The following FAT1 variants were observed in gnomAD, a reference collection of about 807,000 sequenced individuals.
FAT1 encodes the protein FAT atypical cadherin 1, also known as protocadherin Fat 1.
FAT1 carries 171 observed loss-of-function variants against 329.8 expected under a neutral mutation model. The observed-to-expected ratio is 0.52, with a 90% CI of 0.46 to 0.59. The LOEUF (loss-of-function observed/expected upper bound fraction) is 0.59, where lower values mean the gene tolerates loss of function less well. FAT1 is among the 20% of genes least tolerant of loss of function. The pLI is 0.00. For missense variants in FAT1, 5,672 were observed against 5,774.4 expected (o/e 0.98, Z 0.57); for synonymous variants, 2,233 against 2,228.6 (o/e 1.00, Z -0.06).
chr4:186,656,481 G>A (rs895236296), intron 3 of FAT1, among the ~76,000 whole-genome samples: 1 of 152,228 alleles, frequency 6.6e-6, no homozygotes, highest in African/African-American at 2.4e-5. Context: ...TTTGCACGTT[G>A]TGCCATGTGA....
chr4:186,607,567 TG>T (rs1304511584), intron 16 of FAT1, among the ~76,000 whole-genome samples: 5 of 151,212 alleles, frequency 3.3e-5, no homozygotes, highest in Admixed American at 3.3e-4. Flanking sequence ...AGATGGGTGG[TG>T]GGTGGATGGA....
chr4:186,726,112 A>G (rs771436978), upstream of FAT1, among the ~76,000 whole-genome samples: 17 of 152,254 alleles, frequency 1.1e-4, no homozygotes, highest in Non-Finnish European at 7.3e-5. Flanking sequence ...CACAAACAGC[A>G]TCGCCTCTCA....
chr4:186,723,584 G>A (rs1370379124), intron 1 of FAT1, 80 bp downstream of exon 1: 2 of 152,206 alleles, frequency 1.3e-5, no homozygotes, highest in Non-Finnish European at 2.9e-5. Flanking sequence ...CGGGGACCGG[G>A]CGGACACCCA....
At chr4:186,671,215 T>C (rs189140537) in intron 2 of FAT1, among the ~76,000 whole-genome samples, 2 of 152,258 alleles carry the variant, frequency 1.3e-5, no homozygotes, top group East Asian at 3.9e-4. Flanking sequence ...TGATGATACC[T>C]TGAGAGCCTA....
rs1205162274 is a variant in FAT1, at chr4:186,628,782, T to C, written c.4324-19A>G. ...TGAATACCTGTAATGGATGACAAAA[T>C]GACTCATACAATATTTCCAATTATG... On this transcript the variant is annotated intron_variant, in intron 7 of 26. Transcript: ENST00000441802. The C allele has an allele frequency of 2.5e-6, 4 of 1,603,904 alleles. No individual in the cohort carries two copies. Among genetic ancestry groups the C allele is most frequent in the African/African-American group, 1.3e-5 (1 of 74,690 alleles).
At position 186,595,918 on chromosome 4, in the gene FAT1, T is replaced by C. The variant is rs993793523; in HGVS notation, c.13001-92A>G. On this transcript the variant is annotated intron_variant, in intron 25 of 26. Coordinates refer to ENST00000441802, the MANE Select transcript of FAT1 (RefSeq NM_005245.4). ...AGACACACCATGCATTACCCAACGA[T>C]GGCCTGAGATTTACTCAATAAATGA... 6.9e-6 allele frequency: 9 copies of C among 1,305,300 alleles called. No homozygotes were observed. In the Admixed American group the frequency reaches 1.6e-4, roughly 24 times the overall value. The allele number at this position is 1,305,300 out of a possible 1,614,324, so 80.9% of individuals were successfully genotyped here. A position where few individuals can be genotyped will look rare whatever the true frequency, so the allele number is the denominator to read the frequency against.
At chr4:186,687,069 C>G (rs548612591) in intron 2 of FAT1, among the ~76,000 whole-genome samples, 1 of 152,116 alleles carries the variant, frequency 6.6e-6, no homozygotes, top group South Asian at 2.1e-4. Context: ...GCTTTTTAAA[C>G]AATTAATTAA....
intron 1 of FAT1, among the ~76,000 whole-genome samples, chr4:186,719,100 A>T (rs922828984): frequency 1.1e-4 from 17 of 152,194 alleles, no homozygotes; most frequent in African/African-American, 3.4e-4. Context: ...TGACTCACCT[A>T]CAACTCTGGC....
intron 2 of FAT1, among the ~76,000 whole-genome samples, chr4:186,672,221 T>A (rs1430191132): frequency 6.6e-6 from 1 of 152,166 alleles, no homozygotes; most frequent in Non-Finnish European, 1.5e-5. Context: ...TAAATAAAAT[T>A]TTAATTGCTA....
chr4:186,593,319 CGTCT>C (rs1360191605), intron 26 of FAT1, among the ~76,000 whole-genome samples: 1 of 152,118 alleles, frequency 6.6e-6, no homozygotes, highest in Admixed American at 6.5e-5. Context: ...AGACTCTGTC[CGTCT>C]GTTTCCTGTG....
chr4:186,648,286 A>C (rs1038382742), intron 3 of FAT1, among the ~76,000 whole-genome samples: 153 of 152,292 alleles, frequency 1.0e-3, no homozygotes, highest in African/African-American at 3.6e-3. Flanking sequence ...ATAAATTTAA[A>C]TATTAAAACA....
At chr4:186,665,178 C>A (rs1429389394) in intron 2 of FAT1, among the ~76,000 whole-genome samples, 1 of 152,140 alleles carries the variant, frequency 6.6e-6, no homozygotes, top group Admixed American at 6.5e-5. Flanking sequence ...ACTGAACCTT[C>A]AGAAAGGGGG....
At chr4:186,665,949 T>C (rs910315336) in intron 2 of FAT1, among the ~76,000 whole-genome samples, 33 of 146,412 alleles carry the variant, frequency 2.3e-4, no homozygotes, top group African/African-American at 7.9e-4. Flanking sequence ...AAAAACCAAA[T>C]ACTGCATGTT....
chr4:186,712,066 C>G (rs955296603), intron 1 of FAT1, among the ~76,000 whole-genome samples: 1 of 152,194 alleles, frequency 6.6e-6, no homozygotes, highest in African/African-American at 2.4e-5. Flanking sequence ...ATTGCAAGTA[C>G]TAGAAGTATT....
chr4:186,656,987 G>C (rs1430029101), intron 3 of FAT1, among the ~76,000 whole-genome samples: 1 of 152,080 alleles, frequency 6.6e-6, no homozygotes, highest in African/African-American at 2.4e-5. Flanking sequence ...CCAAGAAGCA[G>C]ACAAAATGAA....
Position 186,628,336 on chromosome 4 carries a change from C to T in FAT1, c.4628G>A (p.Arg1543His), listed in dbSNP as rs1050292453. ...ATTGACCACAATCCTTGCAAAGTTG[C>T]GTTTTACAGGCACATCTTGATCTCG... ...MVRDQDVPVK[R>H]NFARIVVNVS... The change falls in exon 9 of 27, where the codon CGC (arginine) becomes CAC (histidine). Residue 1543 changes from arginine (R) to histidine (H), a missense_variant. Arg to His is a conservative substitution (Grantham distance 29). Transcript: ENST00000441802. The T allele has an allele frequency of 3.7e-6, 6 of 1,612,866 alleles. No homozygotes were observed. The highest frequency in any genetic ancestry group is 3.3e-5 in the Admixed American group (2 of 59,828).
Position 186,617,209 on chromosome 4 carries a change from A to C in FAT1, c.8879-8T>G. 6.5e-7 allele frequency: 1 copy of C among 1,543,194 alleles called. No individual in the cohort carries two copies. The highest frequency in any genetic ancestry group is 2.3e-5 in the East Asian group (1 of 43,838). On this transcript the variant is annotated splice_polypyrimidine_tract_variant and splice_region_variant and intron_variant, in intron 10 of 26. Transcript: ENST00000441802. ...GTCCTAAAGGATCCCCTCCTATTAA[A>C]TCAATGGAGGAAGATAATAATCAAA...
In FAT1 at chr4:186,588,530, C is replaced by T. The variant is rs972636112; in HGVS notation, c.*62G>A. 45 of 1,543,370 alleles carry T rather than the reference C, an allele frequency of 2.9e-5. No homozygotes were observed. Among genetic ancestry groups the T allele is most frequent in the Middle Eastern group, 2.4e-4 (1 of 4,130 alleles). On this transcript the variant is annotated 3_prime_UTR_variant, in exon 27 of 27. Coordinates refer to ENST00000441802, the MANE Select transcript of FAT1 (RefSeq NM_005245.4). ...TTGGAAGCACTGCTGCAAAGAACAG[C>T]GCGGATTACTCACATCACCTCTAGG...
chr4:186,686,816 A>G (rs375812608), intron 2 of FAT1, among the ~76,000 whole-genome samples: 1 of 152,224 alleles, frequency 6.6e-6, no homozygotes, highest in East Asian at 1.9e-4. Context: ...ATTATACACT[A>G]TGGACACAGG....
Sources: allele counts gnomAD v4.1 joint callset (sites outside exome capture counted in the v4.1 genomes callset), GRCh38; gene constraint gnomAD v4.1.1; transcripts MANE v1.5; gene names NCBI Gene and HGNC (gene_info 2026-07-23, HGNC 2026-07-21).